CSMD2: variants seen among roughly 807,000 people sequenced by gnomAD.
The protein encoded by CSMD2 is CUB and sushi domain-containing protein 2.
A neutral mutation model predicts 398.5 loss-of-function variants in CSMD2; 130 were observed. The ratio of observed to expected loss-of-function variants is 0.33; its 90% CI spans 0.28 to 0.38. CSMD2 has a LOEUF of 0.38. CSMD2 is among the 10% of genes least tolerant of loss of function. The pLI, the probability that CSMD2 is intolerant of heterozygous loss-of-function variation, is 1.00. For missense variants in CSMD2, 3,829 were observed against 4,764.9 expected, an observed-to-expected ratio of 0.80 and a Z score of 5.78; for synonymous variants, 1,828 against 1,908.5, an observed-to-expected ratio of 0.96 and a Z score of 1.10.
At chr1:33,950,605 G>A (rs1318399331) in intron 3 of CSMD2, among the ~76,000 whole-genome samples, 2 of 152,206 alleles carry the variant, frequency 1.3e-5, no homozygotes, top group Non-Finnish European at 2.9e-5. Context: ...AAACGTGGTT[G>A]AGAAGCCAGT....
chr1:33,818,396 C>T (rs1657719512), intron 9 of CSMD2, among the ~76,000 whole-genome samples: 1 of 152,164 alleles, frequency 6.6e-6, no homozygotes, highest in Admixed American at 6.5e-5. Flanking sequence ...GTTCTACTGG[C>T]ATGAGGATAT....
chr1:33,866,607 TTCCTTCA>T (rs1255800317), intron 5 of CSMD2, among the ~76,000 whole-genome samples: 1 of 152,230 alleles, frequency 6.6e-6, no homozygotes, highest in Non-Finnish European at 1.5e-5. Flanking sequence ...TGCTCTCAGT[TTCCTTCA>T]TTCTTGAAAT....
intron 5 of CSMD2, among the ~76,000 whole-genome samples, chr1:33,896,239 G>A (rs989942909): frequency 2.0e-5 from 3 of 152,010 alleles, no homozygotes; most frequent in African/African-American, 7.3e-5. Flanking sequence ...GGGTAGGAGG[G>A]TAAGGAGGGG....
intron 2 of CSMD2, among the ~76,000 whole-genome samples, chr1:34,084,621 A>G (rs1237211847): frequency 1.3e-5 from 2 of 152,192 alleles, no homozygotes; most frequent in African/African-American, 4.8e-5. Context: ...CAAAAGACAC[A>G]TGAAAAAATG....
chr1:33,972,252 T>C (rs914826836), intron 3 of CSMD2, among the ~76,000 whole-genome samples: 2 of 152,338 alleles, frequency 1.3e-5, no homozygotes, highest in Admixed American at 1.3e-4. Context: ...CCTGTGATAC[T>C]TTGACAGCAC....
chr1:33,940,019 T>C (rs1481552468), intron 3 of CSMD2, among the ~76,000 whole-genome samples: 4 of 152,220 alleles, frequency 2.6e-5, no homozygotes. Context: ...CAGAAACTTA[T>C]TTTCTCACAG....
chr1:34,007,714 T>C (rs1027019196), intron 3 of CSMD2, among the ~76,000 whole-genome samples: 27 of 152,282 alleles, frequency 1.8e-4, no homozygotes, highest in African/African-American at 2.4e-4. Flanking sequence ...ACACAGGGGA[T>C]TGGCTGAATA....
chr1:33,888,189 A>C (rs746131593), intron 5 of CSMD2, among the ~76,000 whole-genome samples: 9 of 152,218 alleles, frequency 5.9e-5, no homozygotes, highest in Admixed American at 2.0e-4. Context: ...ATTCTCTCCA[A>C]ATCAATCTAC....
chr1:33,927,513 C>T lies in CSMD2; in HGVS notation c.712+8247G>A, dbSNP rs188098087. ...AAACCCTCGAGAGCATAGGTATTAT[C>T]GTGCACATTTTACAGATGAGGAAAC... On this transcript the variant is annotated intron_variant, in intron 4 of 70. Transcript: ENST00000373381. 1.5e-3 allele frequency among the ~76,000 whole-genome samples: 230 copies of T among 152,268 alleles called. 2 individuals carry two copies. Among genetic ancestry groups the T allele is most frequent in the African/African-American group, 4.9e-3 (203 of 41,556 alleles).
chr1:34,034,672 T>C (rs575912070), intron 2 of CSMD2, among the ~76,000 whole-genome samples: 1 of 152,332 alleles, frequency 6.6e-6, no homozygotes, highest in Admixed American at 6.5e-5. Context: ...CTTTTTTTCT[T>C]AAACTAGCTT....
chr1:33,803,187 G>A (rs760119836), intron 10 of CSMD2, among the ~76,000 whole-genome samples: 7 of 152,160 alleles, frequency 4.6e-5, no homozygotes, highest in Non-Finnish European at 5.9e-5. Flanking sequence ...CTCCTTCTCT[G>A]TTCTTTCACT....
At chr1:33,679,919 C>CTTTTTTTTT (rs11415719) in intron 25 of CSMD2, among the ~76,000 whole-genome samples, 1 of 144,090 alleles carries the variant, frequency 6.9e-6, no homozygotes. Context: ...TTGAATTTTA[C>CTTTTTTTTT]TTTTTTTTTT....
At chr1:33,932,104 G>C (rs746947509) in intron 4 of CSMD2, among the ~76,000 whole-genome samples, 1 of 152,148 alleles carries the variant, frequency 6.6e-6, no homozygotes, top group Middle Eastern at 3.2e-3. Flanking sequence ...CTGTTGGTGG[G>C]GACACTTTTC....
chr1:33,714,526 A>C, intron 21 of CSMD2, 61 bp downstream of exon 21: 1 of 1,559,806 alleles, frequency 6.4e-7, no homozygotes, highest in South Asian at 1.2e-5. Context: ...ACCTCACATC[A>C]ATTGACTATA....
chr1:33,732,398 G>C (rs1391711068), intron 15 of CSMD2, among the ~76,000 whole-genome samples: 1 of 152,214 alleles, frequency 6.6e-6, no homozygotes, highest in Admixed American at 6.5e-5. Context: ...CTTTCAGGAG[G>C]TAAATAAGGT....
intron 55 of CSMD2, among the ~76,000 whole-genome samples, chr1:33,556,574 G>A (rs1281927149): frequency 6.6e-6 from 1 of 152,164 alleles, no homozygotes; most frequent in Non-Finnish European, 1.5e-5. Flanking sequence ...GAAACAGAGG[G>A]GAGAGCAGGA....
chr1:33,900,389 G>A (rs892280134), intron 5 of CSMD2, among the ~76,000 whole-genome samples: 2 of 152,186 alleles, frequency 1.3e-5, no homozygotes, highest in African/African-American at 4.8e-5. Flanking sequence ...AGGATTTAGA[G>A]TCCAGATGAT....
chr1:34,005,523 A>C (rs1197021305), intron 3 of CSMD2, among the ~76,000 whole-genome samples: 2 of 152,228 alleles, frequency 1.3e-5, no homozygotes, highest in African/African-American at 4.8e-5. Context: ...GACTAGGGCA[A>C]GGACATCATT....
chr1:33,606,715 G>T (rs187126882), intron 41 of CSMD2, among the ~76,000 whole-genome samples: 14 of 152,350 alleles, frequency 9.2e-5, no homozygotes, highest in African/African-American at 3.4e-4. Context: ...GACGGGGAGA[G>T]AAGGAAGGGA....
Sources: gnomAD v4.1 joint callset for allele counts (sites outside exome capture counted in the v4.1 genomes callset) on GRCh38, gnomAD v4.1.1 for gene constraint, MANE v1.5 for transcripts, NCBI Gene and HGNC (gene_info 2026-07-23, HGNC 2026-07-21) for gene names.